STEAP1: variants seen among roughly 807,000 people sequenced by gnomAD.
STEAP1 encodes the protein STEAP family member 1, also known as STEAP1 protein.
In STEAP1, 30 loss-of-function variants were observed where a neutral mutation model predicts 34.4. The ratio of observed to expected loss-of-function variants is 0.87; its 90% CI spans 0.65 to 1.18. The LOEUF (loss-of-function observed/expected upper bound fraction) is 1.18, where lower values mean the gene tolerates loss of function less well. Ranked by LOEUF, STEAP1 falls within the 50% of genes most tolerant of loss-of-function variation. STEAP1 has a pLI of 0.00. For missense variants in STEAP1, 318 were observed against 391.1 expected, an observed-to-expected ratio of 0.81 and a Z score of 1.58; for synonymous variants, 116 against 135.3, an observed-to-expected ratio of 0.86 and a Z score of 0.99.
At chr7:90,162,320 GTTT>G in intron 4 of STEAP1, 7 of 609,606 alleles carry the variant, frequency 1.1e-5, no homozygotes, top group Non-Finnish European at 1.6e-5. Context: ...TTGTTTGTTT[GTTT>G]TTTGTTTGTT....
rs112341725 is a variant in STEAP1 at position 90,163,076 on chromosome 7, G to A, written c.762+998G>A. 51 of 381,964 alleles carry A rather than the reference G, an allele frequency of 1.3e-4. 2 individuals carry two copies. The highest frequency in any genetic ancestry group is 8.2e-4 in the African/African-American group (40 of 48,636). The allele number at this position is 381,964 out of a possible 1,614,324, so 23.7% of individuals were successfully genotyped here. On this transcript the variant is annotated intron_variant, in intron 4 of 4. Transcript: ENST00000297205. ...TCAGTCATGAACACTGCCAATTACC[G>A]TTTATGGGTAGACATCTTTGGAAAT...
chr7:90,157,853 T>C (rs1483445012), intron 1 of STEAP1, among the ~76,000 whole-genome samples: 1 of 152,224 alleles, frequency 6.6e-6, no homozygotes, highest in Non-Finnish European at 1.5e-5. Flanking sequence ...ACAGGATACA[T>C]TCTGAGAAAT....
chr7:90,157,972 C>T (rs763633970), intron 1 of STEAP1, among the ~76,000 whole-genome samples: 1 of 152,186 alleles, frequency 6.6e-6, no homozygotes, highest in Non-Finnish European at 1.5e-5. Flanking sequence ...TAGTCTATTG[C>T]TCCTAGGCTA....
At chr7:90,162,794 A>T (rs891871234) in intron 4 of STEAP1, among the ~76,000 whole-genome samples, 1 of 152,208 alleles carries the variant, frequency 6.6e-6, no homozygotes, top group Non-Finnish European at 1.5e-5. Context: ...CACTTTCCAG[A>T]AACAAAAACT....
In STEAP1 at chr7:90,159,839, G is replaced by A. The variant is rs1329903652; in HGVS notation, c.51G>A (p.Lys17=). 1.3e-6 allele frequency: 2 copies of A among 1,562,946 alleles called. No individual in the cohort carries two copies. Among genetic ancestry groups the A allele is most frequent in the South Asian group, 1.3e-5 (1 of 79,916 alleles). Residue 17 remains lysine, a synonymous_variant, in exon 2 of 5, where the codon AAG becomes AAA. Transcript: ENST00000297205. Reference sequence around the variant, plus strand: ...ACCAAGAAGAACTTTGGAAAATGAAGCCTAGGAGAAATTTAGAAGAAGACG... The same window carrying A: ...ACCAAGAAGAACTTTGGAAAATGAAACCTAGGAGAAATTTAGAAGAAGACG... ...ITNQEELWKM[K]PRRNLEEDDY... is the part of the protein sequence containing the mutation.
rs370771930 is a variant in STEAP1 at position 90,161,937 on chromosome 7, C to T, written c.621C>T (p.Ala207=). The change falls in exon 4 of 5, where the codon GCC becomes GCT. Residue 207 remains alanine, a synonymous_variant. Coordinates refer to ENST00000297205, the MANE Select transcript of STEAP1 (RefSeq NM_012449.3). ...YQQVQQNKED[A]WIEHDVWRME... ...AGGTCCAACAAAATAAAGAAGATGC[C>T]TGGATTGAGCATGATGTTTGGAGAA... The T allele has an allele frequency of 1.2e-6, 2 of 1,610,356 alleles. No individual in the cohort carries two copies. Among genetic ancestry groups the T allele is most frequent in the East Asian group, 4.5e-5 (2 of 44,840 alleles).
chr7:90,162,562 C>T (rs574317416), intron 4 of STEAP1, among the ~76,000 whole-genome samples: 1 of 152,050 alleles, frequency 6.6e-6, no homozygotes, highest in Non-Finnish European at 1.5e-5. Context: ...CTCCTGACCT[C>T]AAATGATCCG....
In STEAP1 at chr7:90,156,449, C is replaced by T. The variant is rs553417055; in HGVS notation, c.-32+1906C>T. Among the ~76,000 whole-genome samples, 69 of 152,324 alleles carry T rather than the reference C, an allele frequency of 4.5e-4. No homozygotes were observed. The South Asian group carries it at 5.4e-3, about 12-fold the overall frequency. The stretch of plus-strand genomic sequence containing the variant: ...GTCACGTTAGTGCAGGGGTACCCAA[C>T]CCCGTGGCCGCAGACTGGTATCAGT... On this transcript the variant is annotated intron_variant, in intron 1 of 4. Transcript: ENST00000297205.
Position 90,164,655 on chromosome 7 carries a change from G to A in STEAP1, c.941G>A (p.Arg314Lys), listed in dbSNP as rs908325614. ...FKSILFLPCL[R>K]KKILKIRHGW... ...AGCATACTATTCCTGCCATGCTTGAGGAAGAAGATACTGAAGATTAGACAT... is the reference window on the plus strand; with the variant it reads ...AGCATACTATTCCTGCCATGCTTGAAGAAGAAGATACTGAAGATTAGACAT... Residue 314 changes from arginine (R) to lysine (K), a missense_variant, in exon 5 of 5, where the codon AGG (arginine) becomes AAG (lysine). Physicochemically the swap from Arg to Lys is conservative, Grantham distance 26. Coordinates refer to ENST00000297205, the MANE Select transcript of STEAP1 (RefSeq NM_012449.3). The A allele has an allele frequency of 1.2e-6, 2 of 1,613,684 alleles. No individual in the cohort carries two copies. The highest frequency in any genetic ancestry group is 3.3e-5 in the Admixed American group (2 of 60,012).
chr7:90,161,182 G>A lies in STEAP1; in HGVS notation c.462G>A (p.Leu154=). Residue 154 remains leucine, a synonymous_variant, in exon 3 of 5, where the codon TTG becomes TTA. Transcript: ENST00000297205. ...AGTATAAGAAGTTTCCACATTGGTT[G>A]GATAAGTGGATGTTAACAAGAAAGC... ...GTKYKKFPHW[L]DKWMLTRKQF... 1.9e-6 allele frequency: 3 copies of A among 1,614,000 alleles called. No homozygotes were observed. Among genetic ancestry groups the A allele is most frequent in the Non-Finnish European group, 2.5e-6 (3 of 1,179,898 alleles).
At position 90,156,453 on chromosome 7, in the gene STEAP1, G is replaced by A. The variant is rs182356840; in HGVS notation, c.-32+1910G>A. ...CGTTAGTGCAGGGGTACCCAACCCC[G>A]TGGCCGCAGACTGGTATCAGTCAGT... On this transcript the variant is annotated intron_variant, in intron 1 of 4. Transcript: ENST00000297205. 4.1e-4 allele frequency among the ~76,000 whole-genome samples: 62 copies of A among 152,324 alleles called. 1 individual carries two copies. The highest frequency in any genetic ancestry group is 1.4e-3 in the African/African-American group (59 of 41,572).
rs377654050 is a variant in STEAP1, at chr7:90,162,001, A to G, written c.685A>G (p.Ile229Val). ...GTCTCTGGGAATTGTGGGATTGGCA[A>G]TACTGGCTCTGTTGGCTGTGACATC... is the stretch of plus-strand genomic sequence containing the variant. ...YVSLGIVGLA[I>V]LALLAVTSIP... Residue 229 changes from isoleucine to valine, a missense_variant, in exon 4 of 5, where the codon ATA (isoleucine) becomes GTA (valine). Transcript: ENST00000297205. 7 of 1,613,900 alleles carry G rather than the reference A, an allele frequency of 4.3e-6. No individual in the cohort carries two copies. The highest frequency in any genetic ancestry group is 4.2e-6 in the Non-Finnish European group (5 of 1,179,830).
chr7:90,158,072 T>C (rs1049389919), intron 1 of STEAP1, among the ~76,000 whole-genome samples: 15 of 152,196 alleles, frequency 9.9e-5, no homozygotes, highest in African/African-American at 3.6e-4. Context: ...AGAAAAGGTA[T>C]AGTAAACATA....
intron 4 of STEAP1, 123 bp downstream of exon 4, chr7:90,162,201 G>A (rs1376867644): frequency 3.6e-6 from 5 of 1,370,144 alleles, no homozygotes; most frequent in Non-Finnish European, 4.8e-6. Flanking sequence ...TCTTATACTT[G>A]TTCCAATTAA....
chr7:90,155,343 A>G (rs1301490482), intron 1 of STEAP1, among the ~76,000 whole-genome samples: 3 of 152,286 alleles, frequency 2.0e-5, no homozygotes, highest in East Asian at 3.9e-4. Context: ...TGGAAATGCA[A>G]TGCAACCCAC....
Position 90,164,739 on chromosome 7 carries a change from A to C in STEAP1, c.*5A>C. On this transcript the variant is annotated 3_prime_UTR_variant, in exon 5 of 5. Transcript: ENST00000297205. ...GAGATATGTTCCCAGTTGTAGAATT[A>C]CTGTTTACACACATTTTTGTTCAAT... 6.3e-7 allele frequency: 1 copy of C among 1,599,696 alleles called. No homozygotes were observed. The highest frequency in any genetic ancestry group is 2.2e-5 in the East Asian group (1 of 44,682).
chr7:90,161,373 T>C, intron 3 of STEAP1, 56 bp downstream of exon 3: 1 of 1,529,052 alleles, frequency 6.5e-7, no homozygotes, highest in South Asian at 1.3e-5. Flanking sequence ...ACCTAACAAA[T>C]TAATCATTTC....
intron 2 of STEAP1, 99 bp from the exon 3 acceptor site, chr7:90,160,706 T>C: frequency 1.3e-6 from 2 of 1,505,506 alleles, no homozygotes; most frequent in Non-Finnish European, 1.8e-6. Context: ...AATGCCCTTA[T>C]TCAATGAGAA....
intron 4 of STEAP1, chr7:90,163,180 T>G (rs1322186766): frequency 4.8e-6 from 1 of 208,630 alleles, no homozygotes; most frequent in Non-Finnish European, 1.1e-5. Flanking sequence ...GGCATCTGAT[T>G]AGTTTGGAAA....
Sources: gnomAD v4.1 joint callset for allele counts (sites outside exome capture counted in the v4.1 genomes callset) on GRCh38, gnomAD v4.1.1 for gene constraint, MANE v1.5 for transcripts, NCBI Gene and HGNC (gene_info 2026-07-23, HGNC 2026-07-21) for gene names.